Variants in UNC5CL observed in about 807,000 individuals in gnomAD.
UNC5CL encodes the protein unc-5 family C-terminal like.
In UNC5CL, 42 loss-of-function variants were observed where a neutral mutation model predicts 54.1. The observed-to-expected ratio is 0.78, with a 90% CI of 0.61 to 1.00. UNC5CL has a LOEUF of 1.00. Ranked by LOEUF, UNC5CL falls within the 50% of genes least tolerant of loss-of-function variation. The probability of loss-of-function intolerance (pLI) is 0.00; values close to 1 mark genes in which losing one functional copy is unlikely to be tolerated. For missense variants in UNC5CL, 619 were observed against 675.6 expected, an observed-to-expected ratio of 0.92 and a Z score of 0.93; for synonymous variants, 285 against 285.1, an observed-to-expected ratio of 1.00 and a Z score of 0.00.
chr6:41,028,684 G>C lies in UNC5CL; in HGVS notation c.1335-89C>G. ...AGGCTCCCTGGGCTGCGCAGCGCAA[G>C]GTCCGTCCCTTCCCCATCCTGTAGC... On this transcript the variant is annotated intron_variant, in intron 8 of 8. Coordinates refer to ENST00000244565, the MANE Select transcript of UNC5CL (RefSeq NM_173561.3). The surrounding 1 kb of genome is among the most constrained non-coding windows in gnomAD (Gnocchi z 4.3). 1 of 1,272,490 alleles carries C rather than the reference G, an allele frequency of 7.9e-7. No individual in the cohort carries two copies. Among genetic ancestry groups the C allele is most frequent in the Non-Finnish European group, 1.1e-6 (1 of 914,858 alleles). The allele number at this position is 1,272,490 out of a possible 1,614,324, so 78.8% of individuals were successfully genotyped here.
Position 41,034,051 on chromosome 6 carries a change from G to A in UNC5CL, c.516C>T (p.Ser172=), listed in dbSNP as rs1327647895. ...ACGTGAGAGTGCAAGGCTTCAGGAA[G>A]GAGGCCCCATGGGGGCCACATGCCA... ...PVVACGPHGA[S]FLKPCTLTFK... The change falls in exon 3 of 9, where the codon TCC becomes TCT. Residue 172 remains serine, a synonymous_variant. Transcript: ENST00000244565. 1.2e-6 allele frequency: 2 copies of A among 1,614,102 alleles called. No individual in the cohort carries two copies. Among genetic ancestry groups the A allele is most frequent in the Admixed American group, 1.7e-5 (1 of 60,006 alleles).
rs1561829663 is a variant in UNC5CL at position 41,032,087 on chromosome 6, T to C, written c.1000A>G (p.Ile334Val). The change falls in exon 5 of 9, where the codon ATC becomes GTC. Residue 334 changes from isoleucine to valine, a missense_variant. By Grantham distance (29) the Ile-to-Val change is conservative (BLOSUM62 3). Coordinates refer to ENST00000244565, the MANE Select transcript of UNC5CL (RefSeq NM_173561.3). Reference sequence around the variant, plus strand: ...CGGAAGGGGCACTTTCCATGCCAGATGTGGAGATGGGGAACCAGCTGGCAA... The same window carrying C: ...CGGAAGGGGCACTTTCCATGCCAGACGTGGAGATGGGGAACCAGCTGGCAA... ...SSCQLVPHLHIWHGKCPFRSF... is the reference protein window; with the variant it reads ...SSCQLVPHLHVWHGKCPFRSF... The C allele has an allele frequency of 6.2e-7, 1 of 1,614,172 alleles. No individual in the cohort carries two copies. The highest frequency in any genetic ancestry group is 8.5e-7 in the Non-Finnish European group (1 of 1,180,028).
chr6:41,037,181 G>A (rs1394156588), intron 1 of UNC5CL, among the ~76,000 whole-genome samples: 1 of 152,164 alleles, frequency 6.6e-6, no homozygotes, highest in Non-Finnish European at 1.5e-5. Flanking sequence ...CCACCATACT[G>A]AGTCACTCTT....
chr6:41,036,966 G>A (rs1475989537), intron 1 of UNC5CL, among the ~76,000 whole-genome samples: 2 of 147,038 alleles, frequency 1.4e-5, no homozygotes, highest in African/African-American at 2.5e-5. Context: ...TTTCCAACAC[G>A]CCTGCCCTGT....
At chr6:41,031,892 C>T (rs1762457122) in intron 5 of UNC5CL, 144 bp from the exon 6 acceptor site, 1 of 1,223,436 alleles carries the variant, frequency 8.2e-7, no homozygotes, top group African/African-American at 1.5e-5. Flanking sequence ...CTGCAAAGAT[C>T]TGTGTGGCTC....
In UNC5CL at chr6:41,027,328, A is replaced by C. The variant is rs986714473; in HGVS notation, c.*1045T>G. ...GGGTTTCAGGCAGAGAAAGAAACAC[A>C]CAAAGACAGGGCACAGAGACTAGGC... is the stretch of plus-strand genomic sequence containing the variant. On this transcript the variant is annotated 3_prime_UTR_variant, in exon 9 of 9. Transcript: ENST00000244565. 1 of 152,248 alleles carries C rather than the reference A, an allele frequency of 6.6e-6. No individual in the cohort carries two copies. Among genetic ancestry groups the C allele is most frequent in the Non-Finnish European group, 1.5e-5 (1 of 68,056 alleles). 9.4% of individuals were successfully genotyped at this position (152,248 alleles called of 1,614,324 possible).
chr6:41,026,995 T>G lies in UNC5CL; in HGVS notation c.*1378A>C, dbSNP rs1762395704. ...ATTGTTTGCCTGCCTTTGAACAAAT[T>G]AACAACACCTGTTTGCAAACAAAAG... On this transcript the variant is annotated 3_prime_UTR_variant, in exon 9 of 9. Coordinates refer to ENST00000244565, the MANE Select transcript of UNC5CL (RefSeq NM_173561.3). The G allele has an allele frequency of 6.6e-6, 1 of 152,166 alleles. No homozygotes were observed. The highest frequency in any genetic ancestry group is 2.1e-4 in the South Asian group (1 of 4,828). 9.4% of individuals were successfully genotyped at this position (152,166 alleles called of 1,614,324 possible). A position where few individuals can be genotyped will look rare whatever the true frequency, so the allele number is the denominator to read the frequency against.
intron 6 of UNC5CL, 104 bp from the exon 7 acceptor site, chr6:41,030,859 G>A: frequency 1.0e-6 from 1 of 997,850 alleles, no homozygotes; most frequent in South Asian, 1.5e-5. Flanking sequence ...CCTTCAGTCT[G>A]TCACTCAGAG....
intron 4 of UNC5CL, among the ~76,000 whole-genome samples, chr6:41,032,641 A>AAGTGG (rs1581976371): frequency 6.6e-6 from 1 of 152,194 alleles, no homozygotes; most frequent in East Asian, 1.9e-4. Flanking sequence ...GGCACCTGTA[A>AAGTGG]TTGCAGCTAC....
intron 1 of UNC5CL, among the ~76,000 whole-genome samples, chr6:41,035,560 G>A (rs1457660177): frequency 6.6e-6 from 1 of 152,250 alleles, no homozygotes. Context: ...CAGCAGCAGA[G>A]GTATGCTCCT....
intron 3 of UNC5CL, 92 bp downstream of exon 3, chr6:41,033,789 G>A: frequency 7.2e-7 from 1 of 1,384,634 alleles, no homozygotes; most frequent in Non-Finnish European, 9.9e-7. Context: ...TCTATACAGA[G>A]AGATGAAGAT....
intron 3 of UNC5CL, 113 bp from the exon 4 acceptor site, chr6:41,033,259 C>T: frequency 2.2e-6 from 3 of 1,343,314 alleles, no homozygotes; most frequent in Non-Finnish European, 3.0e-6. Flanking sequence ...CAAGGAGGTT[C>T]AGAGAACACT....
chr6:41,033,177 G>A (rs1440382837), intron 3 of UNC5CL, 31 bp from the exon 4 acceptor site: 1 of 1,601,736 alleles, frequency 6.2e-7, no homozygotes, highest in South Asian at 1.1e-5. Context: ...AGGCACTAAT[G>A]TGCAGGGAAG....
intron 1 of UNC5CL, 59 bp from the exon 2 acceptor site, chr6:41,035,194 G>C: frequency 2.3e-6 from 3 of 1,333,084 alleles, no homozygotes; most frequent in Non-Finnish European, 3.0e-6. Flanking sequence ...GGAGGTCAAG[G>C]CTTGGCTTAC....
rs756080350 is a variant in UNC5CL at position 41,034,063 on chromosome 6, G to C, written c.504C>G (p.Pro168=). ...GLVSPVVACG[P]HGASFLKPCT... ...AAGGCTTCAGGAAGGAGGCCCCATG[G>C]GGGCCACATGCCACCACAGGGCTTA... is the stretch of plus-strand genomic sequence containing the variant. Residue 168 remains proline, a synonymous_variant, in exon 3 of 9, where the codon CCC becomes CCG. Coordinates refer to ENST00000244565, the MANE Select transcript of UNC5CL (RefSeq NM_173561.3). The C allele has an allele frequency of 6.2e-7, 1 of 1,614,184 alleles. No homozygotes were observed. Among genetic ancestry groups the C allele is most frequent in the South Asian group, 1.1e-5 (1 of 91,088 alleles).
chr6:41,031,453 G>C (rs544333250), intron 6 of UNC5CL, among the ~76,000 whole-genome samples: 1 of 152,314 alleles, frequency 6.6e-6, no homozygotes, highest in East Asian at 1.9e-4. Context: ...GGTTCTTTTA[G>C]CTTCCTGCTG....
chr6:41,036,771 A>C (rs1468707387), intron 1 of UNC5CL, among the ~76,000 whole-genome samples: 3 of 152,036 alleles, frequency 2.0e-5, no homozygotes, highest in East Asian at 1.9e-4. Context: ...AAAATGAAGA[A>C]GACAAAACAC....
Position 41,030,658 on chromosome 6 carries a change from T to G in UNC5CL, c.1217A>C (p.Asn406Thr). The G allele has an allele frequency of 6.2e-7, 1 of 1,614,046 alleles. No individual in the cohort carries two copies. The highest frequency in any genetic ancestry group is 8.5e-7 in the Non-Finnish European group (1 of 1,179,994). The part of the protein sequence containing the change: ...PPPVSQPPPC[N>T]RLPPELFEQL... ...GCCCAAGCAACCCCCGTCTCACCTA[T>G]TGCATGGGGGCGGCTGGGAAACAGG... is the stretch of plus-strand genomic sequence containing the variant. Residue 406 changes from asparagine (N) to threonine (T), a missense_variant, in exon 7 of 9, where the codon AAT (asparagine) becomes ACT (threonine). Coordinates refer to ENST00000244565, the MANE Select transcript of UNC5CL (RefSeq NM_173561.3).
intron 7 of UNC5CL, 64 bp from the exon 8 acceptor site, chr6:41,030,565 T>C (rs1409352081): frequency 6.2e-6 from 10 of 1,609,902 alleles, no homozygotes; most frequent in Non-Finnish European, 8.5e-6. Flanking sequence ...GGTTCTCCCA[T>C]ATGCACCCTA....
Sources: gnomAD v4.1 joint callset for allele counts (sites outside exome capture counted in the v4.1 genomes callset) on GRCh38, gnomAD v4.1.1 for gene constraint, Gnocchi (gnomAD v3.1) non-coding constraint, MANE v1.5 for transcripts, NCBI Gene and HGNC (gene_info 2026-07-23, HGNC 2026-07-21) for gene names.